Variants in RFC4 observed in about 807,000 individuals in gnomAD.
The protein encoded by RFC4 is replication factor C subunit 4.
Under a neutral mutation model 47.6 loss-of-function variants are expected in RFC4, and 38 were observed. The observed-to-expected ratio is 0.80, with a 90% confidence interval of 0.62 to 1.05. The LOEUF is 1.05. RFC4 is among the 50% of genes least tolerant of loss of function. The pLI is 0.00. For synonymous variants in RFC4, 164 were observed against 150.0 expected (o/e 1.09, Z -0.68); for missense variants, 489 against 434.0 (o/e 1.13, Z -1.13).
At chr3:186,801,067 A>C (rs763514547) in intron 3 of RFC4, 50 bp downstream of exon 3, 3 of 1,339,776 alleles carry the variant, frequency 2.2e-6, no homozygotes, top group Non-Finnish European at 2.2e-6. Context: ...GAGGGTGAAT[A>C]AATTAAGTCT....
chr3:186,797,695 G>A, intron 3 of RFC4, 81 bp from the exon 4 acceptor site: 1 of 953,406 alleles, frequency 1.0e-6, no homozygotes, highest in Non-Finnish European at 1.6e-6. Flanking sequence ...AAATGTCTGT[G>A]GAATAGTGCA....
In RFC4 at chr3:186,790,408, T is replaced by C; in HGVS notation, c.802-2A>G. The C allele has an allele frequency of 3.1e-6, 5 of 1,604,674 alleles. No homozygotes were observed. Among genetic ancestry groups the C allele is most frequent in the Non-Finnish European group, 4.3e-6 (5 of 1,171,418 alleles). ...ATCAATTTTCTCAGCTGGTATTACC[T>C]AGGTAATTGAATGTTCGGTATTAAA... On this transcript the variant is annotated splice_acceptor_variant, in intron 8 of 10. Coordinates refer to ENST00000296273, the MANE Select transcript of RFC4 (RefSeq NM_002916.5). LOFTEE classifies it high-confidence loss of function.
At chr3:186,791,415 AGTC>A (rs2108467643) in intron 8 of RFC4, 1 of 300,864 alleles carries the variant, frequency 3.3e-6, no homozygotes, top group Non-Finnish European at 6.6e-6. Context: ...GGTTGCAGTG[AGTC>A]GGTATTGCGT....
chr3:186,804,137 C>T (rs1287284751), intron 2 of RFC4, among the ~76,000 whole-genome samples: 2 of 152,026 alleles, frequency 1.3e-5, no homozygotes, highest in Non-Finnish European at 2.9e-5. Context: ...GAGTCGAGAC[C>T]ATGCCACTGC....
At chr3:186,802,949 C>T (rs1329008813) in intron 2 of RFC4, among the ~76,000 whole-genome samples, 2 of 152,126 alleles carry the variant, frequency 1.3e-5, no homozygotes, top group Non-Finnish European at 2.9e-5. Flanking sequence ...TGAGAACCTG[C>T]CCCCAGTGTT....
At chr3:186,790,783 A>G (rs1722099783) in intron 8 of RFC4, among the ~76,000 whole-genome samples, 1 of 152,174 alleles carries the variant, frequency 6.6e-6, no homozygotes, top group Admixed American at 6.5e-5. Flanking sequence ...CTTTCTCTCA[A>G]TGTCTCCATG....
In RFC4 at chr3:186,790,257, T is replaced by TATA. The variant is rs1473405747; in HGVS notation, c.883-5_883-3dup. ...TGCATGACCCTCATCTATTAAATCC[T>TATA]ATAATAAAAAAAACTTTTGGTATGA... is the stretch of plus-strand genomic sequence containing the variant. On this transcript the variant is annotated splice_polypyrimidine_tract_variant and splice_region_variant and intron_variant, in intron 9 of 10. Transcript: ENST00000296273. 6.2e-7 allele frequency: 1 copy of TATA among 1,612,672 alleles called. No homozygotes were observed. Among genetic ancestry groups the TATA allele is most frequent in the African/African-American group, 1.3e-5 (1 of 74,812 alleles).
chr3:186,797,704 C>T, intron 3 of RFC4, 90 bp from the exon 4 acceptor site: 1 of 841,508 alleles, frequency 1.2e-6, no homozygotes, highest in Non-Finnish European at 1.9e-6. Context: ...TGGAATAGTG[C>T]AATGACTTCT....
At chr3:186,801,061 G>A (rs1722341051) in intron 3 of RFC4, 56 bp downstream of exon 3, 1 of 1,252,478 alleles carries the variant, frequency 8.0e-7, no homozygotes, top group Non-Finnish European at 1.2e-6. Flanking sequence ...AAGAAAGAGG[G>A]TGAATAAATT....
intron 2 of RFC4, among the ~76,000 whole-genome samples, chr3:186,802,304 C>T (rs1418305231): frequency 6.6e-6 from 1 of 151,140 alleles, no homozygotes; most frequent in Non-Finnish European, 1.5e-5. Flanking sequence ...TCAGCCTGGG[C>T]GACAGAGCAA....
chr3:186,804,131 C>T (rs528021622), intron 2 of RFC4, among the ~76,000 whole-genome samples: 13 of 152,088 alleles, frequency 8.5e-5, no homozygotes, highest in South Asian at 6.2e-4. Flanking sequence ...TGCAGTGAGT[C>T]GAGACCATGC....
chr3:186,791,628 G>T (rs1181707798), intron 8 of RFC4, 97 bp downstream of exon 8: 2 of 1,037,150 alleles, frequency 1.9e-6, no homozygotes, highest in East Asian at 2.4e-5. Context: ...TGCAGTACTT[G>T]GCACTTGCTA....
chr3:186,790,450 A>G (rs1011090565), intron 8 of RFC4, 44 bp from the exon 9 acceptor site: 3 of 1,347,194 alleles, frequency 2.2e-6, no homozygotes, highest in Non-Finnish European at 3.2e-6. Context: ...TCTAGGTGAG[A>G]CTAGACATAC....
chr3:186,803,909 C>T (rs1003865137), intron 2 of RFC4, among the ~76,000 whole-genome samples: 4 of 151,970 alleles, frequency 2.6e-5, no homozygotes, highest in African/African-American at 4.8e-5. Context: ...GGGCTGGGCG[C>T]GGTGGCTCAT....
intron 1 of RFC4, 95 bp from the exon 2 acceptor site, chr3:186,804,819 T>C: frequency 8.4e-7 from 1 of 1,193,024 alleles, no homozygotes; most frequent in Non-Finnish European, 1.2e-6. Context: ...GGGGAACCAT[T>C]ATGAGAAAGT....
At chr3:186,805,085 A>G (rs917577101) in intron 1 of RFC4, among the ~76,000 whole-genome samples, 1 of 152,246 alleles carries the variant, frequency 6.6e-6, no homozygotes, top group Admixed American at 6.5e-5. Context: ...ATGGGCCTCC[A>G]TGGTTTCTTT....
At chr3:186,791,990 A>G in intron 7 of RFC4, 140 bp from the exon 8 acceptor site, 1 of 706,652 alleles carries the variant, frequency 1.4e-6, no homozygotes, top group Non-Finnish European at 2.3e-6. Context: ...TTGGGAGAAA[A>G]TATGATCAGT....
intron 9 of RFC4, 30 bp downstream of exon 9, chr3:186,790,296 C>G (rs762174683): frequency 7.4e-6 from 12 of 1,611,684 alleles, no homozygotes; most frequent in African/African-American, 5.3e-5. Flanking sequence ...CTTAATATTC[C>G]TTTCCCCAAA....
chr3:186,794,807 T>A (rs1158024325), intron 4 of RFC4, 30 bp from the exon 5 acceptor site: 1 of 1,611,714 alleles, frequency 6.2e-7, no homozygotes, highest in Admixed American at 1.7e-5. Flanking sequence ...ATATGAAACA[T>A]AGAGCACAAG....
Sources: gnomAD v4.1 joint callset for allele counts (sites outside exome capture counted in the v4.1 genomes callset) on GRCh38, gnomAD v4.1.1 for gene constraint, MANE v1.5 for transcripts, NCBI Gene and HGNC (gene_info 2026-07-23, HGNC 2026-07-21) for gene names.